TEX11: variants seen among roughly 807,000 people sequenced by gnomAD.
TEX11 encodes testis-expressed protein 11.
In TEX11, 7 loss-of-function variants were observed where a neutral mutation model predicts 84.4. The observed-to-expected ratio is 0.08, with a 90% confidence interval of 0.05 to 0.16. TEX11 has a LOEUF of 0.16. Among genes scored for constraint, TEX11 ranks in the 10% least tolerant of loss-of-function variants. The pLI, the probability that TEX11 is intolerant of heterozygous loss-of-function variation, is 1.00. For missense variants in TEX11, 551 were observed against 660.5 expected (o/e 0.83, Z 1.82); for synonymous variants, 264 against 222.8 (o/e 1.18, Z -1.64).
chrX:70,745,977 C>G (rs1042181214), intron 9 of TEX11, among the ~76,000 whole-genome samples: 2 of 111,599 alleles, frequency 1.8e-5, no homozygotes, highest in African/African-American at 6.5e-5. Context: ...AACAACCACT[C>G]ATCTGGAAAA....
intron 11 of TEX11, among the ~76,000 whole-genome samples, chrX:70,731,698 G>A (rs1039559689): frequency 9.0e-6 from 1 of 110,614 alleles, no homozygotes; most frequent in African/African-American, 3.3e-5. Flanking sequence ...GGACCAGATG[G>A]ATTCACAGCC....
At chrX:70,738,109 T>C (rs2090709496) in intron 11 of TEX11, among the ~76,000 whole-genome samples, 1 of 111,863 alleles carries the variant, frequency 8.9e-6, no homozygotes, top group African/African-American at 3.2e-5. Flanking sequence ...TGGGATCTAA[T>C]TAAACTAAAG....
chrX:70,692,400 A>G (rs1457050231), intron 13 of TEX11, among the ~76,000 whole-genome samples: 1 of 110,850 alleles, frequency 9.0e-6, no homozygotes, highest in Non-Finnish European at 1.9e-5. Flanking sequence ...GTGTAACTGA[A>G]ACTTTATACG....
chrX:70,636,302 C>T (rs1569368542), intron 17 of TEX11, among the ~76,000 whole-genome samples: 1 of 111,027 alleles, frequency 9.0e-6, no homozygotes, highest in South Asian at 4.0e-4. Context: ...TCTGCCCCAA[C>T]TCCAGGCCAG....
intron 8 of TEX11, among the ~76,000 whole-genome samples, chrX:70,826,848 G>C (rs1325151281): frequency 9.0e-6 from 1 of 111,036 alleles, no homozygotes; most frequent in Non-Finnish European, 1.9e-5. Flanking sequence ...AGGGCACAAG[G>C]ACTGCAATTC....
intron 8 of TEX11, among the ~76,000 whole-genome samples, chrX:70,817,265 A>T (rs1416551933): frequency 9.2e-6 from 1 of 108,869 alleles, no homozygotes; most frequent in Non-Finnish European, 1.9e-5. Context: ...ACACACACAC[A>T]CACACACACA....
intron 24 of TEX11, among the ~76,000 whole-genome samples, chrX:70,602,147 C>T (rs998572325): frequency 1.9e-4 from 21 of 111,981 alleles, no homozygotes; most frequent in Admixed American, 1.3e-3. Context: ...CTGGATAGGG[C>T]GGCTGGCCGG....
chrX:70,618,234 G>T (rs1278860028), intron 20 of TEX11, among the ~76,000 whole-genome samples: 1 of 111,184 alleles, frequency 9.0e-6, no homozygotes, highest in Admixed American at 9.5e-5. Flanking sequence ...ATGTTTGTAT[G>T]GTGTATGACT....
chrX:70,720,535 A>T (rs1055888126), intron 13 of TEX11, among the ~76,000 whole-genome samples: 14 of 105,684 alleles, frequency 1.3e-4, no homozygotes, highest in African/African-American at 4.8e-4. Context: ...AGAAGGTACT[A>T]AAAAAAAAAG....
chrX:70,754,984 G>C (rs2090857400), intron 9 of TEX11, among the ~76,000 whole-genome samples: 1 of 111,822 alleles, frequency 8.9e-6, no homozygotes, highest in Admixed American at 9.5e-5. Context: ...TCTGAACATG[G>C]GGAAAGCCTT....
intron 24 of TEX11, among the ~76,000 whole-genome samples, chrX:70,599,573 G>T (rs1161599386): frequency 1.8e-5 from 2 of 109,620 alleles, no homozygotes; most frequent in African/African-American, 6.6e-5. Context: ...ACATTGTGCA[G>T]GTTAGTTACA....
chrX:70,613,411 C>T (rs1172010406), intron 20 of TEX11, among the ~76,000 whole-genome samples: 1 of 111,729 alleles, frequency 9.0e-6, no homozygotes, highest in Non-Finnish European at 1.9e-5. Flanking sequence ...CAGAGATTAT[C>T]AGACTTTGCA....
Position 70,743,871 on chromosome X carries a change from A to AAAAC in TEX11, c.747+293_747+294insGTTT, listed in dbSNP as rs770976158. 1.5e-4 allele frequency among the ~76,000 whole-genome samples: 13 copies of AAAAC among 87,740 alleles called. No homozygotes were observed. In the South Asian group the frequency reaches 2.6e-3, roughly 17 times the overall value. 76.2% of individuals were successfully genotyped at this position (87,740 alleles called of 115,157 possible). ...GCAACAGAGCGAGACTCTATCTCAA[A>AAAAC]ACACACACACACACACACACACACA... On this transcript the variant is annotated intron_variant, in intron 10 of 29. Transcript: ENST00000374333.
chrX:70,827,950 AG>A (rs1348728400), intron 8 of TEX11, among the ~76,000 whole-genome samples: 1 of 111,869 alleles, frequency 8.9e-6, no homozygotes. Flanking sequence ...TTTCAGAGAA[AG>A]TAAGGGTAAA....
rs746431138 is a variant in TEX11 at position 70,802,576 on chromosome X, A to T, written c.692+4129T>A. Among the ~76,000 whole-genome samples, 8 of 111,307 alleles carry T rather than the reference A, an allele frequency of 7.2e-5. No individual in the cohort carries two copies. In the East Asian group the frequency reaches 1.7e-3, roughly 23 times the overall value. On this transcript the variant is annotated intron_variant, in intron 9 of 29. Coordinates refer to ENST00000374333, the MANE Select transcript of TEX11 (RefSeq NM_031276.3). ...TAGTAGGAGGTCTTCTTACTTCAAA[A>T]GGAAAATAGTGAGCTTCTCAAGTGT...
chrX:70,840,885 G>A (rs1330689034), intron 7 of TEX11, among the ~76,000 whole-genome samples: 1 of 111,044 alleles, frequency 9.0e-6, no homozygotes, highest in Non-Finnish European at 1.9e-5. Context: ...GACAAAGAAG[G>A]CCATTACATA....
At position 70,732,839 on chromosome X, in the gene TEX11, G is replaced by A. The variant is rs545898901; in HGVS notation, c.844-7496C>T. Among the ~76,000 whole-genome samples, 3 of 111,839 alleles carry A rather than the reference G, an allele frequency of 2.7e-5. No individual in the cohort carries two copies. In the East Asian group the frequency reaches 8.3e-4, roughly 31 times the overall value. ...ATGGAACCAAAATAGGGCCTGCATT[G>A]CTAAGACAATCCTAAGCCAAAAGAA... On this transcript the variant is annotated intron_variant, in intron 11 of 29. Transcript: ENST00000374333.
intron 11 of TEX11, among the ~76,000 whole-genome samples, chrX:70,729,283 T>C (rs2090624795): frequency 8.9e-6 from 1 of 112,387 alleles, no homozygotes; most frequent in Non-Finnish European, 1.9e-5. Flanking sequence ...GCGCAGCTCC[T>C]TACCAGCAAC....
intron 4 of TEX11, among the ~76,000 whole-genome samples, chrX:70,862,915 CA>C (rs201281457): frequency 0.13 from 8,507 of 67,731 alleles, 541 homozygotes; most frequent in Admixed American, 0.35. Context: ...AACTCCAACT[CA>C]AAAAAAAAAA....
Sources: gnomAD v4.1 joint callset for allele counts (sites outside exome capture counted in the v4.1 genomes callset) on GRCh38, gnomAD v4.1.1 for gene constraint, MANE v1.5 for transcripts, NCBI Gene and HGNC (gene_info 2026-07-23, HGNC 2026-07-21) for gene names.